Variants in TSHZ3 observed in about 807,000 individuals in gnomAD.
TSHZ3 encodes the protein teashirt zinc finger homeobox 3, also known as teashirt homolog 3.
A neutral mutation model predicts 64.5 loss-of-function variants in TSHZ3; 10 were observed. That is an observed-to-expected ratio of 0.16 (90% CI 0.10 to 0.26). The LOEUF (loss-of-function observed/expected upper bound fraction) is 0.26. Among genes scored for constraint, TSHZ3 ranks in the 10% least tolerant of loss-of-function variants. The pLI, the probability that TSHZ3 is intolerant of heterozygous loss-of-function variation, is 1.00. For missense variants in TSHZ3, 1,242 were observed against 1,421.7 expected (o/e 0.87, Z 2.03); for synonymous variants, 608 against 593.1 (o/e 1.03, Z -0.36).
rs781097660 is a variant in TSHZ3 at position 31,278,817 on chromosome 19, G to A, written c.976C>T (p.Leu326=). ...GGGGAGCTGGGGAGCTCCAGCTCCA[G>A]GGAAGCTTTCTTCCGAGTGGCAGGG... ...IIPATRKKAS[L]ELELPSSPDS... is the part of the protein sequence containing the mutation. The change falls in exon 2 of 2, where the codon CTG becomes TTG. Residue 326 remains leucine, a synonymous_variant. Coordinates refer to ENST00000240587, the MANE Select transcript of TSHZ3 (RefSeq NM_020856.4). The surrounding 1 kb of genome is among the most constrained non-coding windows in gnomAD (Gnocchi z 4.7). 1.2e-6 allele frequency: 2 copies of A among 1,614,060 alleles called. No homozygotes were observed. Among genetic ancestry groups the A allele is most frequent in the South Asian group, 1.1e-5 (1 of 91,090 alleles).
Position 31,276,770 on chromosome 19 carries a change from T to A in TSHZ3, c.3023A>T (p.Lys1008Ile). ...HLGFRLRDLS[K>I]LSTEQINSQI... Reference sequence around the variant, plus strand: ...ACTGTTAATCTGTTCGGTGGACAGTTTGGATAAGTCCCGTAGCCGGAAGCC... The same window carrying A: ...ACTGTTAATCTGTTCGGTGGACAGTATGGATAAGTCCCGTAGCCGGAAGCC... The change falls in exon 2 of 2, where the codon AAA (lysine) becomes ATA (isoleucine). Residue 1008 changes from lysine (K) to isoleucine (I), a missense_variant. Lys to Ile is a moderately radical substitution (Grantham distance 102). Coordinates refer to ENST00000240587, the MANE Select transcript of TSHZ3 (RefSeq NM_020856.4). 6.2e-7 allele frequency: 1 copy of A among 1,613,924 alleles called. No individual in the cohort carries two copies. The highest frequency in any genetic ancestry group is 8.5e-7 in the Non-Finnish European group (1 of 1,179,814).
intron 1 of TSHZ3, among the ~76,000 whole-genome samples, chr19:31,321,807 C>T (rs568284722): frequency 5.9e-5 from 9 of 151,898 alleles, no homozygotes; most frequent in Middle Eastern, 3.4e-3. Context: ...TATGAGTAAA[C>T]GCATTTCCTT....
intron 5 of TSHZ3, among the ~76,000 whole-genome samples, chr19:31,191,381 G>A (rs1974904382): frequency 6.6e-6 from 1 of 152,100 alleles, no homozygotes. Flanking sequence ...TAACACAATG[G>A]AATGCCATAT....
At chr19:31,300,057 C>T (rs973749528) in intron 1 of TSHZ3, among the ~76,000 whole-genome samples, 18 of 152,032 alleles carry the variant, frequency 1.2e-4, no homozygotes, top group African/African-American at 3.6e-4. Flanking sequence ...TGTGTGAGCA[C>T]GCGAGAGAGT....
At chr19:31,323,832 G>C (rs1008825899) in intron 1 of TSHZ3, among the ~76,000 whole-genome samples, 1 of 147,852 alleles carries the variant, frequency 6.8e-6, no homozygotes, top group African/African-American at 2.5e-5. Flanking sequence ...AAAGACAGCA[G>C]CTGCTGCTCT....
At chr19:31,303,146 G>C (rs1474940928) in intron 1 of TSHZ3, among the ~76,000 whole-genome samples, 2 of 152,110 alleles carry the variant, frequency 1.3e-5, no homozygotes, top group Non-Finnish European at 2.9e-5. Flanking sequence ...AATATACTGG[G>C]CAAAGGTGGC....
Position 31,349,143 on chromosome 19 carries a change from G to C in TSHZ3, c.40+37C>G, listed in dbSNP as rs1215780445. 3 of 1,537,598 alleles carry C rather than the reference G, an allele frequency of 2.0e-6. No homozygotes were observed. The East Asian group carries it at 7.5e-5, about 38-fold the overall frequency. ...AGGCGCGGGGCGAGCGGAGGAAGAG[G>C]AGGAGGAGAGCAGAAGGAAGGGGAA... On this transcript the variant is annotated intron_variant, in intron 1 of 1. Coordinates refer to ENST00000240587, the MANE Select transcript of TSHZ3 (RefSeq NM_020856.4).
chr19:31,223,857 G>T (rs998977685), intron 4 of TSHZ3, among the ~76,000 whole-genome samples: 1 of 152,072 alleles, frequency 6.6e-6, no homozygotes, highest in East Asian at 1.9e-4. Flanking sequence ...GGGTGGGGGT[G>T]ATGGGGGTTC....
At chr19:31,238,108 A>T (rs1344725896) in intron 3 of TSHZ3, among the ~76,000 whole-genome samples, 1 of 152,170 alleles carries the variant, frequency 6.6e-6, no homozygotes, top group Non-Finnish European at 1.5e-5. Context: ...TTATATAAAA[A>T]TTGTGGATAT....
At chr19:31,256,383 G>A (rs1296694974) in intron 1 of TSHZ3, among the ~76,000 whole-genome samples, 1 of 152,152 alleles carries the variant, frequency 6.6e-6, no homozygotes. Flanking sequence ...GCAGTAGACA[G>A]AGAGAAAGAT....
In TSHZ3 at chr19:31,334,176, A is replaced by T. The variant is rs1917175511; in HGVS notation, c.40+15004T>A. 2.0e-5 allele frequency among the ~76,000 whole-genome samples: 3 copies of T among 152,144 alleles called. No homozygotes were observed. The South Asian group carries it at 6.2e-4, about 32-fold the overall frequency. Reference sequence around the variant, plus strand: ...AACCTCCGTCACTGTCACGTAGGGGAGGGTCCACTCTGCCTTATGATTTTA... The same window carrying T: ...AACCTCCGTCACTGTCACGTAGGGGTGGGTCCACTCTGCCTTATGATTTTA... On this transcript the variant is annotated intron_variant, in intron 1 of 1. Transcript: ENST00000240587.
At chr19:31,345,875 A>G (rs1372323352) in intron 1 of TSHZ3, among the ~76,000 whole-genome samples, 1 of 152,108 alleles carries the variant, frequency 6.6e-6, no homozygotes, top group Non-Finnish European at 1.5e-5. Context: ...GATAATGGTC[A>G]TTTTGCCTGA....
At chr19:31,290,074 C>T (rs1478909357) in intron 1 of TSHZ3, among the ~76,000 whole-genome samples, 4 of 152,160 alleles carry the variant, frequency 2.6e-5, no homozygotes, top group Non-Finnish European at 4.4e-5. Context: ...CTCAGGGGAA[C>T]CACACCTGCC....
At chr19:31,181,845 G>A (rs1974722370) in intron 5 of TSHZ3, among the ~76,000 whole-genome samples, 1 of 152,084 alleles carries the variant, frequency 6.6e-6, no homozygotes, top group African/African-American at 2.4e-5. Flanking sequence ...CCACCTCGTT[G>A]TGGATGCTTT....
At chr19:31,331,229 T>C (rs1429642245) in intron 1 of TSHZ3, among the ~76,000 whole-genome samples, 1 of 152,172 alleles carries the variant, frequency 6.6e-6, no homozygotes, top group African/African-American at 2.4e-5. Context: ...TGAGCTCACC[T>C]GTACCAGAGC....
intron 1 of TSHZ3, among the ~76,000 whole-genome samples, chr19:31,329,901 G>C (rs1330977950): frequency 6.6e-6 from 1 of 152,084 alleles, no homozygotes; most frequent in Non-Finnish European, 1.5e-5. Flanking sequence ...AAATTGTTGT[G>C]TGTTTTTTTT....
intron 5 of TSHZ3, among the ~76,000 whole-genome samples, chr19:31,172,451 T>C (rs1432393154): frequency 6.6e-6 from 1 of 152,166 alleles, no homozygotes; most frequent in Non-Finnish European, 1.5e-5. Flanking sequence ...TTACCTTAGC[T>C]TTCACACAAG....
At chr19:31,172,140 T>A (rs1480575098) in intron 5 of TSHZ3, among the ~76,000 whole-genome samples, 1 of 152,172 alleles carries the variant, frequency 6.6e-6, no homozygotes, top group Non-Finnish European at 1.5e-5. Context: ...CATATCATAG[T>A]GCCCTTGGAA....
chr19:31,337,802 C>T (rs1917297174), intron 1 of TSHZ3, among the ~76,000 whole-genome samples: 1 of 151,776 alleles, frequency 6.6e-6, no homozygotes, highest in Non-Finnish European at 1.5e-5. Flanking sequence ...CATTTCTTTC[C>T]TGTTCATGGC....
Sources: gnomAD v4.1 joint callset for allele counts (sites outside exome capture counted in the v4.1 genomes callset) on GRCh38, gnomAD v4.1.1 for gene constraint, Gnocchi (gnomAD v3.1) non-coding constraint, MANE v1.5 for transcripts, NCBI Gene and HGNC (gene_info 2026-07-23, HGNC 2026-07-21) for gene names.